The following SOCS5 variants were observed in gnomAD, a reference collection of about 807,000 sequenced individuals.
SOCS5 encodes CIS-6.
A neutral mutation model predicts 42.8 loss-of-function variants in SOCS5; 32 were observed. The ratio of observed to expected loss-of-function variants is 0.75; its 90% CI spans 0.56 to 1.01. The LOEUF (loss-of-function observed/expected upper bound fraction) is 1.01. SOCS5 is among the 50% of genes least tolerant of loss of function. The pLI, the probability that SOCS5 is intolerant of heterozygous loss-of-function variation, is 0.00. For synonymous variants in SOCS5, 283 were observed against 229.6 expected (o/e 1.23, Z -2.10); for missense variants, 627 against 653.0 (o/e 0.96, Z 0.43).
At chr2:46,713,755 G>C (rs1013998847) in intron 1 of SOCS5, among the ~76,000 whole-genome samples, 1 of 151,614 alleles carries the variant, frequency 6.6e-6, no homozygotes, top group Non-Finnish European at 1.5e-5. Flanking sequence ...ATTGATTTTC[G>C]AAACTCCTTT....
chr2:46,728,676 C>A (rs143322697), intron 1 of SOCS5, among the ~76,000 whole-genome samples: 4 of 152,286 alleles, frequency 2.6e-5, no homozygotes, highest in Non-Finnish European at 4.4e-5. Context: ...CTGCCTCAGC[C>A]TCCCGAATAG....
chr2:46,713,773 C>T (rs951128259), intron 1 of SOCS5, among the ~76,000 whole-genome samples: 2 of 152,084 alleles, frequency 1.3e-5, no homozygotes, highest in African/African-American at 4.8e-5. Flanking sequence ...TTTTAAAAAA[C>T]AATTATTAAC....
chr2:46,730,403 C>A (rs1490103830), intron 1 of SOCS5, among the ~76,000 whole-genome samples: 1 of 152,026 alleles, frequency 6.6e-6, no homozygotes, highest in African/African-American at 2.4e-5. Context: ...GAGTTTGAGA[C>A]CAGCCTGGCC....
intron 1 of SOCS5, among the ~76,000 whole-genome samples, chr2:46,716,455 A>G (rs1234859314): frequency 7.1e-6 from 1 of 140,188 alleles, no homozygotes; most frequent in Non-Finnish European, 1.5e-5. Flanking sequence ...TTTATGGATC[A>G]ACTTTTAAAC....
At chr2:46,746,061 T>C (rs558745575) in intron 1 of SOCS5, among the ~76,000 whole-genome samples, 26 of 152,140 alleles carry the variant, frequency 1.7e-4, no homozygotes, top group Non-Finnish European at 3.5e-4. Flanking sequence ...TTTTTTTTTT[T>C]TCTCTGATGC....
chr2:46,718,194 C>G (rs746886950), intron 1 of SOCS5, among the ~76,000 whole-genome samples: 37 of 152,114 alleles, frequency 2.4e-4, no homozygotes, highest in Admixed American at 4.6e-4. Flanking sequence ...GAATCACAAT[C>G]CTGTGCTGCC....
intron 1 of SOCS5, among the ~76,000 whole-genome samples, chr2:46,709,755 A>T (rs17035540): frequency 6.6e-6 from 1 of 152,188 alleles, no homozygotes; most frequent in Non-Finnish European, 1.5e-5. Context: ...AAAATTGAAC[A>T]TGAACAGAGG....
intron 1 of SOCS5, among the ~76,000 whole-genome samples, chr2:46,710,025 G>A (rs1209543561): frequency 6.6e-6 from 1 of 152,154 alleles, no homozygotes; most frequent in Non-Finnish European, 1.5e-5. Flanking sequence ...GTTAAGGCAA[G>A]GGTTCAAGTG....
At chr2:46,731,428 GTGTATAAACCACCC>G in intron 1 of SOCS5, among the ~76,000 whole-genome samples, 1 of 152,280 alleles carries the variant, frequency 6.6e-6, no homozygotes. Context: ...CATTTCTTTT[GTGTATAAACCACCC>G]TGTTTATGGT....
chr2:46,714,147 G>C (rs1483680775), intron 1 of SOCS5, among the ~76,000 whole-genome samples: 1 of 152,156 alleles, frequency 6.6e-6, no homozygotes, highest in African/African-American at 2.4e-5. Flanking sequence ...GTGTTCTATA[G>C]ATGCCAATTA....
intron 1 of SOCS5, among the ~76,000 whole-genome samples, chr2:46,726,946 G>C (rs1673007480): frequency 6.6e-6 from 1 of 151,396 alleles, no homozygotes; most frequent in Non-Finnish European, 1.5e-5. Flanking sequence ...ATTAGAGACG[G>C]GGTTTCTCCA....
chr2:46,755,234 C>G (rs946332752), intron 1 of SOCS5, among the ~76,000 whole-genome samples: 5 of 152,164 alleles, frequency 3.3e-5, no homozygotes, highest in African/African-American at 1.2e-4. Flanking sequence ...AGTTCTCTCT[C>G]AATGTATTCT....
Position 46,762,160 on chromosome 2 carries a change from C to T in SOCS5, c.*2019C>T, listed in dbSNP as rs1190698322. The T allele has an allele frequency of 1.8e-5, 3 of 167,028 alleles. No homozygotes were observed. The highest frequency in any genetic ancestry group is 7.2e-5 in the African/African-American group (3 of 41,452). The allele number at this position is 167,028 out of a possible 1,614,324, so 10.3% of individuals were successfully genotyped here. A position where few individuals can be genotyped will look rare whatever the true frequency, so the allele number is the denominator to read the frequency against. On this transcript the variant is annotated 3_prime_UTR_variant, in exon 2 of 2. Transcript: ENST00000394861. Reference sequence around the variant, plus strand: ...GTTTCTAATTAAAGTCCCTGAAGATCATATACCAAAGTGTTTGAGAACTTC... The same window carrying T: ...GTTTCTAATTAAAGTCCCTGAAGATTATATACCAAAGTGTTTGAGAACTTC...
chr2:46,701,339 T>A (rs191087584), intron 1 of SOCS5, among the ~76,000 whole-genome samples: 1 of 152,208 alleles, frequency 6.6e-6, no homozygotes, highest in East Asian at 1.9e-4. Flanking sequence ...AGAATGAGAA[T>A]GGGAGGCTTG....
At chr2:46,737,977 A>G (rs1310493782) in intron 1 of SOCS5, among the ~76,000 whole-genome samples, 1 of 152,216 alleles carries the variant, frequency 6.6e-6, no homozygotes, top group Admixed American at 6.5e-5. Flanking sequence ...TAAAATTGAT[A>G]TGCTTGAAAT....
intron 1 of SOCS5, among the ~76,000 whole-genome samples, chr2:46,722,465 G>A (rs995090878): frequency 2.3e-4 from 35 of 152,120 alleles, no homozygotes; most frequent in Admixed American, 1.8e-3. Flanking sequence ...TTTATTCATC[G>A]TAATGTCTTT....
At chr2:46,753,368 G>C (rs962045307) in intron 1 of SOCS5, among the ~76,000 whole-genome samples, 1 of 152,116 alleles carries the variant, frequency 6.6e-6, no homozygotes, top group African/African-American at 2.4e-5. Context: ...AATTATGATT[G>C]TTAAGGAAGG....
chr2:46,708,784 A>C (rs1200029335), intron 1 of SOCS5, among the ~76,000 whole-genome samples: 1 of 151,076 alleles, frequency 6.6e-6, no homozygotes, highest in African/African-American at 2.4e-5. Flanking sequence ...AGGCAAATGC[A>C]CTTCCTTATC....
rs1351491940 is a variant in SOCS5, at chr2:46,758,634, A to G, written c.104A>G (p.Asn35Ser). The G allele has an allele frequency of 1.2e-6, 2 of 1,614,078 alleles. No individual in the cohort carries two copies. Among genetic ancestry groups the G allele is most frequent in the African/African-American group, 1.3e-5 (1 of 75,062 alleles). Reference protein sequence around the residue: ...SRSENVDMNSNRCLSVKEKNI... With the variant: ...SRSENVDMNSSRCLSVKEKNI... ...AGTGAAAATGTGGACATGAACTCCA[A>G]CAGATGTTTGTCTGTCAAAGAGAAA... Residue 35 changes from asparagine (N) to serine (S), a missense_variant, in exon 2 of 2, where the codon AAC becomes AGC. Transcript: ENST00000394861.
Sources: gnomAD v4.1 joint callset for allele counts (sites outside exome capture counted in the v4.1 genomes callset) on GRCh38, gnomAD v4.1.1 for gene constraint, MANE v1.5 for transcripts, NCBI Gene and HGNC (gene_info 2026-07-23, HGNC 2026-07-21) for gene names.